The following SCEL variants were observed in gnomAD, a reference collection of about 807,000 sequenced individuals.
SCEL encodes sciellin.
In SCEL, 113 loss-of-function variants were observed where a neutral mutation model predicts 117.6. That is an observed-to-expected ratio of 0.96 (90% CI 0.83 to 1.12). The LOEUF is 1.12. SCEL is among the 50% of genes most tolerant of loss of function. The pLI is 0.00. For synonymous variants in SCEL, 270 were observed against 256.2 expected (o/e 1.05, Z -0.51); for missense variants, 785 against 810.8 (o/e 0.97, Z 0.39).
chr13:77,578,284 C>T (rs2086069701), intron 9 of SCEL, among the ~76,000 whole-genome samples: 1 of 151,900 alleles, frequency 6.6e-6, no homozygotes, highest in Non-Finnish European at 1.5e-5. Flanking sequence ...AGTCACTCAC[C>T]ACATGAGAAC....
intron 1 of SCEL, among the ~76,000 whole-genome samples, chr13:77,538,784 C>T (rs1313876600): frequency 6.6e-6 from 1 of 152,152 alleles, no homozygotes; most frequent in Non-Finnish European, 1.5e-5. Flanking sequence ...TGTCTGTAGA[C>T]CCAAGTTTCC....
intron 30 of SCEL, among the ~76,000 whole-genome samples, chr13:77,638,400 A>C (rs1363667820): frequency 6.6e-6 from 1 of 152,244 alleles, no homozygotes; most frequent in East Asian, 1.9e-4. Context: ...CTAGGTTTTC[A>C]CAATGCTTCA....
At chr13:77,624,849 G>A (rs1411915504) in intron 27 of SCEL, among the ~76,000 whole-genome samples, 2 of 152,148 alleles carry the variant, frequency 1.3e-5, no homozygotes, top group African/African-American at 4.8e-5. Flanking sequence ...TCCCCCTGGG[G>A]TTCCTTTAAT....
At chr13:77,625,913 GA>G (rs1163873221) in intron 27 of SCEL, among the ~76,000 whole-genome samples, 1 of 152,164 alleles carries the variant, frequency 6.6e-6, no homozygotes, top group African/African-American at 2.4e-5. Context: ...ATAAAAATGT[GA>G]AAGTGGCCTC....
At chr13:77,562,043 A>G (rs1222986398) in intron 4 of SCEL, among the ~76,000 whole-genome samples, 1 of 152,214 alleles carries the variant, frequency 6.6e-6, no homozygotes, top group South Asian at 2.1e-4. Flanking sequence ...GTTCTGGTAG[A>G]TCATTTAAAC....
chr13:77,589,328 C>A, intron 10 of SCEL, 104 bp downstream of exon 10: 1 of 749,082 alleles, frequency 1.3e-6, no homozygotes, highest in Non-Finnish European at 2.2e-6. Flanking sequence ...GTTTTGTGTG[C>A]ACATTCCCTA....
chr13:77,569,283 A>C (rs978809613), intron 7 of SCEL, 88 bp from the exon 8 acceptor site: 17 of 988,974 alleles, frequency 1.7e-5, no homozygotes, highest in Non-Finnish European at 2.7e-5. Flanking sequence ...GCAGGCAGGA[A>C]TATGAGTAGA....
intron 9 of SCEL, among the ~76,000 whole-genome samples, chr13:77,579,687 A>G (rs1310816394): frequency 6.6e-6 from 1 of 152,218 alleles, no homozygotes; most frequent in Non-Finnish European, 1.5e-5. Flanking sequence ...ACAAAGGTCA[A>G]GGTAGACACA....
In SCEL at chr13:77,610,235, A is replaced by G. The variant is rs1462052746; in HGVS notation, c.1337+129A>G. 7 of 514,296 alleles carry G rather than the reference A, an allele frequency of 1.4e-5. No homozygotes were observed. The East Asian group carries it at 1.8e-4, about 14-fold the overall frequency. 31.9% of individuals were successfully genotyped at this position (514,296 alleles called of 1,614,324 possible). On this transcript the variant is annotated intron_variant, in intron 22 of 32. Coordinates refer to ENST00000349847, the MANE Select transcript of SCEL (RefSeq NM_144777.3). ...TAGGAGGCCGAGGCGGGAGGATCACAAGGTCAGGAGATGGAGACCATCCTG... is the reference window on the plus strand; with the variant it reads ...TAGGAGGCCGAGGCGGGAGGATCACGAGGTCAGGAGATGGAGACCATCCTG...
At chr13:77,591,547 T>A (rs1594048128) in intron 11 of SCEL, 87 bp downstream of exon 11, 2 of 751,508 alleles carry the variant, frequency 2.7e-6, no homozygotes, top group Non-Finnish European at 4.5e-6. Flanking sequence ...AGGCAATTAA[T>A]AATAAGGTAG....
At chr13:77,559,175 T>G (rs1472990238) in intron 3 of SCEL, among the ~76,000 whole-genome samples, 21 of 152,218 alleles carry the variant, frequency 1.4e-4, no homozygotes, top group Admixed American at 1.4e-3. Context: ...CAAAATCCCC[T>G]ATCAGTTTTC....
chr13:77,573,679 A>G (rs555845791), intron 9 of SCEL, among the ~76,000 whole-genome samples: 29 of 145,510 alleles, frequency 2.0e-4, no homozygotes, highest in African/African-American at 3.8e-4. Context: ...CTATCTATCT[A>G]TCTGTCTATC....
At chr13:77,570,335 G>A (rs140354152) in intron 8 of SCEL, among the ~76,000 whole-genome samples, 1 of 152,168 alleles carries the variant, frequency 6.6e-6, no homozygotes, top group African/African-American at 2.4e-5. Flanking sequence ...TTGACCCTTT[G>A]CCTAGTAAAA....
chr13:77,565,923 A>C (rs2085263615), intron 5 of SCEL, among the ~76,000 whole-genome samples: 1 of 152,200 alleles, frequency 6.6e-6, no homozygotes. Flanking sequence ...TGCTAATTAC[A>C]TTGTTTGGTA....
chr13:77,591,393 A>T lies in SCEL; in HGVS notation c.627-2A>T. The T allele has an allele frequency of 6.4e-7, 1 of 1,555,406 alleles. No individual in the cohort carries two copies. The highest frequency in any genetic ancestry group is 8.8e-7 in the Non-Finnish European group (1 of 1,129,988). On this transcript the variant is annotated splice_acceptor_variant, in intron 10 of 32. Transcript: ENST00000349847. LOFTEE classifies it high-confidence loss of function. Reference sequence around the variant, plus strand: ...TATAATCTTCTAACTTTGAAAATATAGGCAGATACATCCACCTAAACCAGG... The same window carrying T: ...TATAATCTTCTAACTTTGAAAATATTGGCAGATACATCCACCTAAACCAGG...
At chr13:77,615,465 T>A (rs1249387947) in intron 24 of SCEL, among the ~76,000 whole-genome samples, 1 of 152,172 alleles carries the variant, frequency 6.6e-6, no homozygotes, top group Non-Finnish European at 1.5e-5. Context: ...CTCACAGGGT[T>A]ACTTGAAAGA....
At chr13:77,616,521 G>A (rs2089056169) in intron 24 of SCEL, among the ~76,000 whole-genome samples, 1 of 151,976 alleles carries the variant, frequency 6.6e-6, no homozygotes, top group East Asian at 1.9e-4. Flanking sequence ...ATGTTCAATT[G>A]AAAATATTAT....
intron 22 of SCEL, 31 bp from the exon 23 acceptor site, chr13:77,612,860 A>G (rs747761391): frequency 7.8e-7 from 1 of 1,287,582 alleles, no homozygotes; most frequent in South Asian, 1.4e-5. Flanking sequence ...ATTTTAGTTG[A>G]CTTAGCTATT....
chr13:77,613,521 A>G (rs1329621637), intron 23 of SCEL, among the ~76,000 whole-genome samples: 1 of 152,116 alleles, frequency 6.6e-6, no homozygotes, highest in African/African-American at 2.4e-5. Context: ...GTGTGGATGT[A>G]AGGGATTGTT....
Sources: allele counts gnomAD v4.1 joint callset (sites outside exome capture counted in the v4.1 genomes callset), GRCh38; gene constraint gnomAD v4.1.1; transcripts MANE v1.5; gene names NCBI Gene and HGNC (gene_info 2026-07-23, HGNC 2026-07-21).